Variants in PDE3A observed in about 807,000 individuals in gnomAD.
PDE3A encodes the protein cGMP-inhibited 3',5'-cyclic phosphodiesterase 3A.
A neutral mutation model predicts 98.3 loss-of-function variants in PDE3A; 43 were observed. The observed-to-expected ratio is 0.44, with a 90% CI of 0.34 to 0.56. PDE3A has a LOEUF of 0.56. PDE3A is among the 20% of genes least tolerant of loss of function. The pLI, the probability that PDE3A is intolerant of heterozygous loss-of-function variation, is 0.01. For missense variants in PDE3A, 1,427 were observed against 1,440.7 expected (o/e 0.99, Z 0.15); for synonymous variants, 663 against 567.9 (o/e 1.17, Z -2.38).
intron 2 of PDE3A, among the ~76,000 whole-genome samples, chr12:20,587,455 A>T (rs191656688): frequency 6.6e-6 from 1 of 152,148 alleles, no homozygotes; most frequent in Admixed American, 6.5e-5. Flanking sequence ...TTTTTTAATT[A>T]GGACTTCTGG....
intron 1 of PDE3A, among the ~76,000 whole-genome samples, chr12:20,389,252 A>G (rs2120597732): frequency 6.6e-6 from 1 of 152,016 alleles, no homozygotes; most frequent in Admixed American, 6.6e-5. Context: ...GAAAGGGGGC[A>G]ATCAGTACTG....
At chr12:20,654,876 GT>G (rs1170875967) in intron 15 of PDE3A, among the ~76,000 whole-genome samples, 1 of 152,058 alleles carries the variant, frequency 6.6e-6, no homozygotes, top group Non-Finnish European at 1.5e-5. Context: ...CCAGTCATAG[GT>G]TTTTATTGGC....
At chr12:20,642,670 T>C (rs1342067607) in intron 10 of PDE3A, among the ~76,000 whole-genome samples, 1 of 152,214 alleles carries the variant, frequency 6.6e-6, no homozygotes, top group African/African-American at 2.4e-5. Context: ...TGTGATCATG[T>C]AGCTATTTCA....
intron 1 of PDE3A, among the ~76,000 whole-genome samples, chr12:20,479,461 T>G (rs1365884652): frequency 6.6e-6 from 1 of 152,214 alleles, no homozygotes; most frequent in Non-Finnish European, 1.5e-5. Context: ...TTCTCTGCTA[T>G]CCCTTGAGTA....
At chr12:20,498,083 TTATC>T (rs1180544199) in intron 1 of PDE3A, among the ~76,000 whole-genome samples, 7 of 152,146 alleles carry the variant, frequency 4.6e-5, no homozygotes, top group African/African-American at 1.7e-4. Flanking sequence ...GTTAGAAAAA[TTATC>T]AAACTATATC....
At chr12:20,501,995 A>T (rs1253560544) in intron 1 of PDE3A, among the ~76,000 whole-genome samples, 1 of 152,196 alleles carries the variant, frequency 6.6e-6, no homozygotes, top group East Asian at 1.9e-4. Context: ...ACTTTGAAGC[A>T]CTGGGGAATA....
chr12:20,669,464 C>A (rs767884752), intron 15 of PDE3A, among the ~76,000 whole-genome samples: 2,651 of 151,434 alleles, frequency 0.018, 38 homozygotes, highest in Middle Eastern at 0.14. Flanking sequence ...GTCGGGTTAC[C>A]CTCAAAGGGA....
chr12:20,609,929 G>A (rs1943806156), intron 2 of PDE3A, among the ~76,000 whole-genome samples: 1 of 121,954 alleles, frequency 8.2e-6, no homozygotes, highest in Non-Finnish European at 1.9e-5. Context: ...TGTAACACCT[G>A]AAACCGTGAA....
intron 15 of PDE3A, among the ~76,000 whole-genome samples, chr12:20,660,861 A>G (rs1490895685): frequency 6.6e-6 from 1 of 152,146 alleles, no homozygotes; most frequent in Non-Finnish European, 1.5e-5. Context: ...GGACGAATAC[A>G]GTAAATTGGT....
intron 15 of PDE3A, among the ~76,000 whole-genome samples, chr12:20,660,548 C>T (rs563717556): frequency 2.0e-5 from 3 of 152,138 alleles, no homozygotes; most frequent in Non-Finnish European, 2.9e-5. Context: ...CTTAAATTCC[C>T]ATGTGTTGTG....
At chr12:20,643,549 C>T (rs1158972134) in intron 10 of PDE3A, among the ~76,000 whole-genome samples, 1 of 152,142 alleles carries the variant, frequency 6.6e-6, no homozygotes, top group Non-Finnish European at 1.5e-5. Context: ...TGATTGATGA[C>T]AGTATTATTC....
intron 2 of PDE3A, chr12:20,557,303 G>C (rs1026731846): frequency 1.3e-5 from 2 of 152,692 alleles, no homozygotes; most frequent in African/African-American, 4.8e-5. Context: ...GACCTAATTA[G>C]ACAATGTGGA....
intron 1 of PDE3A, among the ~76,000 whole-genome samples, chr12:20,467,858 C>T (rs1414662491): frequency 7.3e-6 from 1 of 137,304 alleles, no homozygotes; most frequent in Non-Finnish European, 1.5e-5. Flanking sequence ...TCACTTGAAC[C>T]CGGGAGGCGG....
rs889503709 is a variant in PDE3A, at chr12:20,392,125, G to A, written c.960+21881G>A. ...GTATATTTTGTTTGTATCAGCTAAA[G>A]CTTTGAAGACCTTCACATGAGTTAA... On this transcript the variant is annotated intron_variant, in intron 1 of 15. Coordinates refer to ENST00000359062, the MANE Select transcript of PDE3A (RefSeq NM_000921.5). Among the ~76,000 whole-genome samples the A allele has an allele frequency of 2.0e-5, 3 of 151,846 alleles. No homozygotes were observed. In the South Asian group the frequency reaches 6.2e-4, roughly 31 times the overall value.
intron 1 of PDE3A, among the ~76,000 whole-genome samples, chr12:20,447,962 T>G (rs7488860): frequency 0.85 from 129,513 of 151,870 alleles, 58,143 homozygotes; most frequent in East Asian, 1. Flanking sequence ...TGAAGAATCT[T>G]TTGTCAGAAG....
intron 2 of PDE3A, among the ~76,000 whole-genome samples, chr12:20,570,496 G>A (rs758577846): frequency 6.9e-6 from 1 of 144,154 alleles, no homozygotes; most frequent in South Asian, 2.3e-4. Context: ...ATTTGGACAA[G>A]TGAATAGAAC....
rs34848615 is a variant in PDE3A, at chr12:20,448,752, G to GTTTTTTT, written c.960+78517_960+78523dup. Among the ~76,000 whole-genome samples, 13 of 138,560 alleles carry GTTTTTTT rather than the reference G, an allele frequency of 9.4e-5. 1 individual carries two copies. The East Asian group carries it at 2.9e-3, about 31-fold the overall frequency. The allele number at this position is 138,560 out of a possible 152,430, so 90.9% of individuals were successfully genotyped here. On this transcript the variant is annotated intron_variant, in intron 1 of 15. Coordinates refer to ENST00000359062, the MANE Select transcript of PDE3A (RefSeq NM_000921.5). ...CATTATTTAAAGTTTTTATTTTAAG[G>GTTTTTTT]TTTTTTTTTTTTTTTGAGATGGAGT...
chr12:20,488,062 A>G (rs1261704993), intron 1 of PDE3A, among the ~76,000 whole-genome samples: 1 of 152,180 alleles, frequency 6.6e-6, no homozygotes, highest in Admixed American at 6.5e-5. Flanking sequence ...ACCCAGGAGC[A>G]TTATGAAATG....
chr12:20,619,419 G>A (rs2121474810), intron 4 of PDE3A, among the ~76,000 whole-genome samples: 1 of 152,052 alleles, frequency 6.6e-6, no homozygotes, highest in South Asian at 2.1e-4. Context: ...GTAAGGCATT[G>A]TCTTTAAAAA....
Sources: allele counts gnomAD v4.1 joint callset (sites outside exome capture counted in the v4.1 genomes callset), GRCh38; gene constraint gnomAD v4.1.1; transcripts MANE v1.5; gene names NCBI Gene and HGNC (gene_info 2026-07-23, HGNC 2026-07-21).